Variants in ARFGEF2 observed in about 807,000 individuals in gnomAD.
The protein encoded by ARFGEF2 is brefeldin A-inhibited guanine nucleotide-exchange protein 2.
ARFGEF2 carries 74 observed loss-of-function variants against 219.9 expected under a neutral mutation model. That is an observed-to-expected ratio of 0.34 (90% CI 0.28 to 0.41). The LOEUF is 0.41. Among genes scored for constraint, ARFGEF2 ranks in the 10% least tolerant of loss-of-function variants. ARFGEF2 has a pLI of 1.00. For synonymous variants in ARFGEF2, 733 were observed against 799.2 expected (o/e 0.92, Z 1.40); for missense variants, 1,743 against 2,218.3 (o/e 0.79, Z 4.30).
intron 23 of ARFGEF2, among the ~76,000 whole-genome samples, chr20:48,996,729 C>T (rs1210091101): frequency 7.4e-6 from 1 of 135,970 alleles, no homozygotes; most frequent in African/African-American, 2.8e-5. Context: ...AGCAACAGAA[C>T]GAGACTCCGT....
At chr20:48,964,817 T>G (rs943849621) in intron 7 of ARFGEF2, among the ~76,000 whole-genome samples, 1 of 152,254 alleles carries the variant, frequency 6.6e-6, no homozygotes, top group Non-Finnish European at 1.5e-5. Context: ...AATCAAAATC[T>G]TAATGGGTTT....
chr20:48,956,232 C>T (rs1443872212), intron 6 of ARFGEF2, among the ~76,000 whole-genome samples: 3 of 152,246 alleles, frequency 2.0e-5, no homozygotes, highest in Non-Finnish European at 4.4e-5. Context: ...ATGGCCAACC[C>T]TAACTGGACA....
intron 14 of ARFGEF2, among the ~76,000 whole-genome samples, chr20:48,982,672 C>CT (rs556884938): frequency 1.3e-5 from 2 of 152,310 alleles, no homozygotes; most frequent in South Asian, 4.1e-4. Context: ...TTCACCAGCA[C>CT]TTTGTTTACC....
chr20:48,949,927 C>G (rs2091054749), intron 3 of ARFGEF2, among the ~76,000 whole-genome samples: 1 of 152,136 alleles, frequency 6.6e-6, no homozygotes, highest in African/African-American at 2.4e-5. Context: ...TTTATCTGAT[C>G]AACCATCAAT....
intron 6 of ARFGEF2, among the ~76,000 whole-genome samples, chr20:48,962,776 C>T (rs181179423): frequency 2.4e-4 from 36 of 152,216 alleles, no homozygotes; most frequent in African/African-American, 8.4e-4. Context: ...CACTGCCCTC[C>T]GGGACCTTAT....
At chr20:48,974,058 T>G (rs998079020) in intron 12 of ARFGEF2, among the ~76,000 whole-genome samples, 4 of 151,896 alleles carry the variant, frequency 2.6e-5, no homozygotes, top group African/African-American at 9.7e-5. Context: ...TAATTCAAGG[T>G]TCTTTTCTCC....
intron 29 of ARFGEF2, 23 bp from the exon 30 acceptor site, chr20:49,013,808 G>T: frequency 2.5e-6 from 4 of 1,614,056 alleles, no homozygotes; most frequent in Non-Finnish European, 3.4e-6. Flanking sequence ...TCTCTCTTCT[G>T]TGCCTGACTT....
intron 34 of ARFGEF2, among the ~76,000 whole-genome samples, chr20:49,019,488 T>C (rs2091551809): frequency 6.6e-6 from 1 of 152,242 alleles, no homozygotes; most frequent in Admixed American, 6.5e-5. Flanking sequence ...GAGTTGCTCT[T>C]AACAGACATT....
intron 6 of ARFGEF2, among the ~76,000 whole-genome samples, chr20:48,958,013 T>C (rs2091115577): frequency 6.6e-6 from 1 of 152,220 alleles, no homozygotes; most frequent in African/African-American, 2.4e-5. Context: ...GTTTTTCTCC[T>C]TAGGAATGAA....
chr20:48,972,805 A>G (rs539855472), intron 11 of ARFGEF2, among the ~76,000 whole-genome samples: 84 of 152,342 alleles, frequency 5.5e-4, no homozygotes, highest in Non-Finnish European at 1.1e-3. Flanking sequence ...TGTGGCCTCA[A>G]AGTAAGCATC....
intron 25 of ARFGEF2, among the ~76,000 whole-genome samples, chr20:49,004,833 C>A (rs1293493221): frequency 6.6e-6 from 1 of 152,020 alleles, no homozygotes; most frequent in Non-Finnish European, 1.5e-5. Flanking sequence ...TTTAAAAAAG[C>A]AGAAAGTAGC....
intron 31 of ARFGEF2, 79 bp from the exon 32 acceptor site, chr20:49,017,169 CA>C: frequency 6.9e-7 from 1 of 1,454,314 alleles, no homozygotes; most frequent in South Asian, 1.2e-5. Flanking sequence ...GTCTCCAACT[CA>C]CAATATACAG....
At position 48,972,181 on chromosome 20, in the gene ARFGEF2, G is replaced by A. The variant is rs572995191; in HGVS notation, c.1426-145G>A. The A allele has an allele frequency of 3.1e-5, 21 of 683,788 alleles. No individual in the cohort carries two copies. In the East Asian group the frequency reaches 4.7e-4, roughly 15 times the overall value. The allele number at this position is 683,788 out of a possible 1,614,324, so 42.4% of individuals were successfully genotyped here. On this transcript the variant is annotated intron_variant, in intron 10 of 38. Transcript: ENST00000371917. ...CCACCAAGGCCAGGGTCCCGTTGCTGCCCAGCCAGGTGGGCACTCCACTCT... is the reference window on the plus strand; with the variant it reads ...CCACCAAGGCCAGGGTCCCGTTGCTACCCAGCCAGGTGGGCACTCCACTCT...
In ARFGEF2 at chr20:49,025,360, C is replaced by T. The variant is rs1336167524; in HGVS notation, c.4803C>T (p.Gly1601=). Residue 1601 remains glycine (G), a synonymous_variant, in exon 36 of 39, where the codon GGC becomes GGT. Coordinates refer to ENST00000371917, the MANE Select transcript of ARFGEF2 (RefSeq NM_006420.3). Reference sequence around the variant, plus strand: ...TCCACATAGAGACGGAGGATCAGGGCATGTATAAGTACATGTCTTCCCAGC... The same window carrying T: ...TCCACATAGAGACGGAGGATCAGGGTATGTATAAGTACATGTCTTCCCAGC... ...ADIHIETEDQ[G]MYKYMSSQHL... is the part of the protein sequence containing the mutation. The T allele has an allele frequency of 3.1e-6, 5 of 1,613,924 alleles. No homozygotes were observed. The highest frequency in any genetic ancestry group is 4.2e-6 in the Non-Finnish European group (5 of 1,179,928).
At chr20:48,998,030 TG>T in intron 23 of ARFGEF2, 162 bp from the exon 24 acceptor site, 1 of 667,452 alleles carries the variant, frequency 1.5e-6, no homozygotes, top group Non-Finnish European at 2.7e-6. Context: ...GCTAATTTTT[TG>T]TATTTTTTAT....
chr20:49,026,420 A>G (rs141239294), intron 36 of ARFGEF2, among the ~76,000 whole-genome samples: 4 of 152,160 alleles, frequency 2.6e-5, no homozygotes, highest in East Asian at 1.9e-4. Flanking sequence ...CCATTCATCA[A>G]TTTTCCAAGC....
At chr20:48,961,516 T>C (rs1217692353) in intron 6 of ARFGEF2, among the ~76,000 whole-genome samples, 1 of 148,290 alleles carries the variant, frequency 6.7e-6, no homozygotes, top group Non-Finnish European at 1.5e-5. Context: ...TGCCTGAGAC[T>C]TTTTTACAGC....
chr20:49,013,494 A>G (rs371691809), intron 28 of ARFGEF2, 70 bp from the exon 29 acceptor site: 54 of 1,602,360 alleles, frequency 3.4e-5, no homozygotes, highest in South Asian at 4.4e-5. Context: ...CTTAATCTGC[A>G]TATAGTTCCC....
chr20:49,029,902 ATTTTTTT>A (rs3092436), intron 37 of ARFGEF2, among the ~76,000 whole-genome samples: 1 of 97,786 alleles, frequency 1.0e-5, no homozygotes, highest in Non-Finnish European at 2.0e-5. Flanking sequence ...CTAAAAGTGA[ATTTTTTT>A]TTTTTTTTTT....
Sources: gnomAD v4.1 joint callset for allele counts (sites outside exome capture counted in the v4.1 genomes callset) on GRCh38, gnomAD v4.1.1 for gene constraint, MANE v1.5 for transcripts, NCBI Gene and HGNC (gene_info 2026-07-23, HGNC 2026-07-21) for gene names.